The following FILIP1L variants were observed in gnomAD, a reference collection of about 807,000 sequenced individuals.
FILIP1L encodes the protein filamin A interacting protein 1 like.
Under a neutral mutation model 96.6 loss-of-function variants are expected in FILIP1L, and 55 were observed. The observed-to-expected ratio is 0.57, with a 90% CI of 0.46 to 0.71. FILIP1L has a LOEUF of 0.71. Among genes scored for constraint, FILIP1L ranks in the 30% least tolerant of loss-of-function variants. The pLI, the probability that FILIP1L is intolerant of heterozygous loss-of-function variation, is 0.00. For synonymous variants in FILIP1L, 467 were observed against 473.9 expected (o/e 0.99, Z 0.19); for missense variants, 1,304 against 1,321.2 (o/e 0.99, Z 0.20).
At chr3:99,905,166 A>T (rs1280754113) in intron 4 of FILIP1L, among the ~76,000 whole-genome samples, 1 of 152,122 alleles carries the variant, frequency 6.6e-6, no homozygotes, top group Non-Finnish European at 1.5e-5. Context: ...GAATGTAGGC[A>T]TTTGCCAGGA....
At chr3:99,889,601 A>T (rs1207049308) in intron 4 of FILIP1L, among the ~76,000 whole-genome samples, 1 of 152,022 alleles carries the variant, frequency 6.6e-6, no homozygotes, top group African/African-American at 2.4e-5. Context: ...GTCTTATTTG[A>T]TAATTCCATT....
chr3:100,014,583 A>T (rs1710263414), intron 1 of FILIP1L, among the ~76,000 whole-genome samples: 1 of 151,984 alleles, frequency 6.6e-6, no homozygotes, highest in African/African-American at 2.4e-5. Flanking sequence ...TGTTTCCCTG[A>T]TGTCTAGTGA....
Position 100,026,956 on chromosome 3 carries a change from A to T in FILIP1L, c.-11+87097T>A, listed in dbSNP as rs1282569777. ...TCTCCGACCTCATCTCTGCAGCTACATTGGCCTCCTGTCTGTTCCTCACAT... is the reference window on the plus strand; with the variant it reads ...TCTCCGACCTCATCTCTGCAGCTACTTTGGCCTCCTGTCTGTTCCTCACAT... On this transcript the variant is annotated intron_variant, in intron 1 of 5. Transcript: ENST00000477258. Among the ~76,000 whole-genome samples, 8 of 152,168 alleles carry T rather than the reference A, an allele frequency of 5.3e-5. No homozygotes were observed. The East Asian group carries it at 1.5e-3, about 29-fold the overall frequency.
In FILIP1L at chr3:99,849,359, T is replaced by C; in HGVS notation, c.2317A>G (p.Arg773Gly). The C allele has an allele frequency of 6.2e-7, 1 of 1,614,120 alleles. No homozygotes were observed. The highest frequency in any genetic ancestry group is 8.5e-7 in the Non-Finnish European group (1 of 1,180,016). The stretch of plus-strand genomic sequence containing the variant: ...AGGCTCTTACTGAAATGCCGGTACC[T>C]CTCTAACTCCTTAGTGAGGTTTTCA... Reference protein sequence around the residue: ...EIENLTKELERYRHFSKSLRP... With the variant: ...EIENLTKELEGYRHFSKSLRP... Residue 773 changes from arginine to glycine, a missense_variant, in exon 5 of 6, where the codon AGG becomes GGG. By Grantham distance (125) the Arg-to-Gly change is moderately radical (BLOSUM62 -2). Transcript: ENST00000477258.
chr3:100,066,383 G>A (rs76110559), intron 1 of FILIP1L, among the ~76,000 whole-genome samples: 2,590 of 152,186 alleles, frequency 0.017, 32 homozygotes, highest in Non-Finnish European at 0.028. Flanking sequence ...AATTCTTATG[G>A]AACTGGATTG....
chr3:99,882,379 A>G (rs1705757523), intron 4 of FILIP1L, among the ~76,000 whole-genome samples: 1 of 152,208 alleles, frequency 6.6e-6, no homozygotes, highest in African/African-American at 2.4e-5. Context: ...ACTGTCTCAT[A>G]TAAGCAGTCA....
intron 1 of FILIP1L, among the ~76,000 whole-genome samples, chr3:100,100,741 CAT>C (rs2107456176): frequency 6.6e-6 from 1 of 152,304 alleles, no homozygotes; most frequent in South Asian, 2.1e-4. Flanking sequence ...TGAGAAATAG[CAT>C]CACTAAGATA....
intron 1 of FILIP1L, among the ~76,000 whole-genome samples, chr3:100,013,220 T>G (rs1172901957): frequency 1.4e-5 from 2 of 146,198 alleles, no homozygotes; most frequent in Admixed American, 6.8e-5. Context: ...TGAGGTGTTG[T>G]TGTTGTTGTT....
intron 1 of FILIP1L, among the ~76,000 whole-genome samples, chr3:100,019,801 A>G (rs552271478): frequency 6.6e-6 from 1 of 152,304 alleles, no homozygotes; most frequent in South Asian, 2.1e-4. Context: ...ATAATTTTTC[A>G]TCATATTGTC....
chr3:100,008,644 A>G (rs1222498640), intron 1 of FILIP1L, among the ~76,000 whole-genome samples: 1 of 152,264 alleles, frequency 6.6e-6, no homozygotes, highest in Non-Finnish European at 1.5e-5. Flanking sequence ...ATAATTATTA[A>G]GTAATTATAA....
chr3:99,841,768 C>T (rs1231380025), intron 5 of FILIP1L, among the ~76,000 whole-genome samples: 1 of 152,122 alleles, frequency 6.6e-6, no homozygotes, highest in Non-Finnish European at 1.5e-5. Context: ...AAATGCAAAT[C>T]AAAACCACAG....
chr3:100,036,397 C>A (rs1489136699), intron 1 of FILIP1L, among the ~76,000 whole-genome samples: 2 of 152,102 alleles, frequency 1.3e-5, no homozygotes, highest in African/African-American at 2.4e-5. Flanking sequence ...AAAAGGACAC[C>A]AGAGTTGGCT....
At chr3:100,024,241 T>A (rs1352222982) in intron 1 of FILIP1L, among the ~76,000 whole-genome samples, 1 of 152,184 alleles carries the variant, frequency 6.6e-6, no homozygotes, top group East Asian at 1.9e-4. Context: ...GTAGAAGCCT[T>A]GGTGTAGAGC....
chr3:99,973,333 T>C (rs1708877041), intron 1 of FILIP1L, among the ~76,000 whole-genome samples: 1 of 152,250 alleles, frequency 6.6e-6, no homozygotes. Context: ...TGTGTGTGTA[T>C]GCAAAATTGC....
chr3:99,868,524 C>G (rs1235362599), intron 4 of FILIP1L, among the ~76,000 whole-genome samples: 2 of 152,200 alleles, frequency 1.3e-5, no homozygotes, highest in African/African-American at 4.8e-5. Context: ...AGGTTTGGCA[C>G]TGTGCCAACT....
intron 1 of FILIP1L, among the ~76,000 whole-genome samples, chr3:100,029,902 T>G (rs1345216258): frequency 6.6e-6 from 1 of 152,126 alleles, no homozygotes; most frequent in African/African-American, 2.4e-5. Context: ...AAAGCTGAGA[T>G]AAAGACCAAG....
intron 1 of FILIP1L, among the ~76,000 whole-genome samples, chr3:99,939,611 A>G (rs947457093): frequency 2.0e-5 from 3 of 152,202 alleles, no homozygotes; most frequent in African/African-American, 7.2e-5. Flanking sequence ...TACTCAGGGA[A>G]GATCTTAGCA....
At chr3:100,036,815 A>T (rs1246594626) in intron 1 of FILIP1L, among the ~76,000 whole-genome samples, 1 of 152,216 alleles carries the variant, frequency 6.6e-6, no homozygotes, top group Non-Finnish European at 1.5e-5. Flanking sequence ...CAAAGTTACC[A>T]TCATCAATAG....
intron 1 of FILIP1L, among the ~76,000 whole-genome samples, chr3:99,986,664 G>A (rs1319685488): frequency 6.6e-6 from 1 of 152,124 alleles, no homozygotes; most frequent in Non-Finnish European, 1.5e-5. Flanking sequence ...GTGGTGATGG[G>A]TGTGGGCCTA....
Sources: gnomAD v4.1 joint callset for allele counts (sites outside exome capture counted in the v4.1 genomes callset) on GRCh38, gnomAD v4.1.1 for gene constraint, MANE v1.5 for transcripts, NCBI Gene and HGNC (gene_info 2026-07-23, HGNC 2026-07-21) for gene names.